The following ARID1A variants were observed in gnomAD, a reference collection of about 807,000 sequenced individuals.
The protein encoded by ARID1A is AT-rich interactive domain-containing protein 1A.
ARID1A carries 20 observed loss-of-function variants against 212.6 expected under a neutral mutation model. The observed-to-expected ratio is 0.09, with a 90% confidence interval of 0.07 to 0.14. The LOEUF is 0.14. Ranked by LOEUF, ARID1A falls within the 10% of genes least tolerant of loss-of-function variation. The probability of loss-of-function intolerance (pLI) is 1.00; values close to 1 mark genes in which losing one functional copy is unlikely to be tolerated. For synonymous variants in ARID1A, 1,376 were observed against 1,222.1 expected, an observed-to-expected ratio of 1.13 and a Z score of -2.63; for missense variants, 2,587 against 3,059.0, an observed-to-expected ratio of 0.85 and a Z score of 3.64.
intron 19 of ARID1A, chr1:26,778,798 C>T: frequency 2.4e-6 from 1 of 416,442 alleles, no homozygotes; most frequent in East Asian, 3.5e-5. Flanking sequence ...GCTAGTGTTC[C>T]TGGAGATAGG....
At chr1:26,773,987 G>A in intron 17 of ARID1A, 89 bp downstream of exon 17, 1 of 1,487,854 alleles carries the variant, frequency 6.7e-7, no homozygotes, top group Non-Finnish European at 9.3e-7. Flanking sequence ...AGTCTAAGAA[G>A]CTCACTTTAG....
At chr1:26,772,434 G>C (rs940961371) in intron 12 of ARID1A, 66 bp from the exon 13 acceptor site, 4 of 1,606,914 alleles carry the variant, frequency 2.5e-6, no homozygotes, top group Non-Finnish European at 3.4e-6. Context: ...GGTCGTTCGT[G>C]TGTTTGTGTG....
At chr1:26,766,706 T>C (rs1473249259) in intron 10 of ARID1A, 140 bp downstream of exon 10, 2 of 885,170 alleles carry the variant, frequency 2.3e-6, no homozygotes, top group Admixed American at 2.9e-5. Context: ...TGCTGTTGCC[T>C]CCTCTTATCA....
intron 1 of ARID1A, among the ~76,000 whole-genome samples, chr1:26,706,595 G>T (rs1441170958): frequency 1.3e-5 from 2 of 152,220 alleles, no homozygotes; most frequent in Non-Finnish European, 2.9e-5. Context: ...CCACGTGGTA[G>T]AGGGATTAAA....
intron 4 of ARID1A, among the ~76,000 whole-genome samples, chr1:26,744,382 C>T (rs965702054): frequency 5.3e-5 from 8 of 152,176 alleles, no homozygotes; most frequent in African/African-American, 4.8e-5. Context: ...TTGTTTCCTT[C>T]GGAACAGCCT....
rs1214820075 is a variant in ARID1A at position 26,774,895 on chromosome 1, T to C, written c.4668T>C (p.Gly1556=). ...ATGGCACACGCCAGCCCCCATATGG[T>C]CCCTCTGCCCCTGTGCCCCCCATGA... ...PSHGTRQPPY[G]PSAPVPPMTR... The change falls in exon 18 of 20, where the codon GGT becomes GGC. Residue 1556 remains glycine (G), a synonymous_variant. Coordinates refer to ENST00000324856, the MANE Select transcript of ARID1A (RefSeq NM_006015.6). This position sits in a 1 kb window ranked among gnomAD's most constrained non-coding sequence, Gnocchi z 5.6. 7.2e-7 allele frequency: 1 copy of C among 1,386,832 alleles called. No homozygotes were observed. The highest frequency in any genetic ancestry group is 3.2e-5 in the East Asian group (1 of 31,220). 85.9% of individuals were successfully genotyped at this position (1,386,832 alleles called of 1,614,324 possible). A position where few individuals can be genotyped will look rare whatever the true frequency, so the allele number is the denominator to read the frequency against.
At chr1:26,710,454 C>T (rs1271013138) in intron 1 of ARID1A, among the ~76,000 whole-genome samples, 7 of 142,552 alleles carry the variant, frequency 4.9e-5, no homozygotes, top group African/African-American at 8.2e-5. Context: ...CCAGCCTGGG[C>T]GACAGAGCGA....
At chr1:26,744,229 C>T (rs757066744) in intron 4 of ARID1A, among the ~76,000 whole-genome samples, 9 of 152,236 alleles carry the variant, frequency 5.9e-5, no homozygotes, top group Non-Finnish European at 1.2e-4. Context: ...ATACTGCCTG[C>T]TGACTGCCTG....
intron 4 of ARID1A, among the ~76,000 whole-genome samples, chr1:26,746,807 C>T (rs769031508): frequency 3.3e-5 from 5 of 152,298 alleles, no homozygotes; most frequent in Admixed American, 3.3e-4. Flanking sequence ...GAGGCCAAGG[C>T]GGGCAAATCA....
intron 4 of ARID1A, among the ~76,000 whole-genome samples, chr1:26,756,283 T>C (rs1236400774): frequency 6.6e-6 from 1 of 151,178 alleles, no homozygotes; most frequent in East Asian, 2.0e-4. Flanking sequence ...GGGCCAGGCG[T>C]GGTGGCTCAT....
At chr1:26,737,876 A>G (rs923750303) in intron 4 of ARID1A, among the ~76,000 whole-genome samples, 1 of 152,154 alleles carries the variant, frequency 6.6e-6, no homozygotes, top group East Asian at 1.9e-4. Context: ...AAAAAAAAAA[A>G]AAGAAAAAAT....
rs397860721 is a variant in ARID1A, at chr1:26,708,266, C to CTTTTTTTTTTT, written c.1137+10752_1137+10762dup. On this transcript the variant is annotated intron_variant, in intron 1 of 19. Transcript: ENST00000324856. ...TCAGCCTTTAAGATACAGTCCTTCA[C>CTTTTTTTTTTT]TTTTTTTTTTTTTTTTTTTTTTTTT... is the stretch of plus-strand genomic sequence containing the variant. Among the ~76,000 whole-genome samples the CTTTTTTTTTTT allele has an allele frequency of 1.5e-3, 35 of 23,754 alleles. 14 individuals are homozygous for CTTTTTTTTTTT. Among genetic ancestry groups the CTTTTTTTTTTT allele is most frequent in the East Asian group, 5.8e-3 (2 of 344 alleles). 15.6% of individuals were successfully genotyped at this position (23,754 alleles called of 152,430 possible). A position where few individuals can be genotyped will look rare whatever the true frequency, so the allele number is the denominator to read the frequency against.
intron 1 of ARID1A, among the ~76,000 whole-genome samples, chr1:26,720,640 G>A (rs1274524844): frequency 6.6e-6 from 1 of 152,144 alleles, no homozygotes; most frequent in Non-Finnish European, 1.5e-5. Context: ...CACTTTGGGA[G>A]GCTGAAGCTG....
intron 7 of ARID1A, 145 bp downstream of exon 7, chr1:26,762,464 G>T: frequency 3.4e-6 from 3 of 875,796 alleles, no homozygotes; most frequent in South Asian, 2.4e-5. Context: ...CTGAAGTAGG[G>T]CAAGGCAAGA....
intron 1 of ARID1A, chr1:26,728,868 C>T (rs2080645362): frequency 6.6e-6 from 1 of 152,084 alleles, no homozygotes; most frequent in African/African-American, 2.4e-5. Context: ...ACCTGTTGCT[C>T]CACAAAGAGC....
intron 4 of ARID1A, among the ~76,000 whole-genome samples, chr1:26,736,396 GAGGC>G (rs1420460074): frequency 3.3e-5 from 5 of 150,952 alleles, no homozygotes; most frequent in Non-Finnish European, 7.4e-5. Context: ...TTGGGAGGCC[GAGGC>G]TGGCGGATCA....
At chr1:26,699,043 C>T (rs2080307422) in intron 1 of ARID1A, among the ~76,000 whole-genome samples, 1 of 152,088 alleles carries the variant, frequency 6.6e-6, no homozygotes, top group Admixed American at 6.6e-5. Context: ...CTCCTAAAGG[C>T]TTGGTTTGGT....
chr1:26,768,063 C>A (rs1404795922), intron 11 of ARID1A, 64 bp downstream of exon 11: 2 of 1,518,718 alleles, frequency 1.3e-6, no homozygotes, highest in Non-Finnish European at 1.8e-6. Flanking sequence ...TAGGTACTCA[C>A]TGGCTTCATG....
At position 26,772,899 on chromosome 1, in the gene ARID1A, T is replaced by C. The variant is rs749523343; in HGVS notation, c.3627T>C (p.Pro1209=). ...AGCGGAATTCCATGACTCCAAACCCTGGGTATCAGCCCAGTATGAATACCT... is the reference window on the plus strand; with the variant it reads ...AGCGGAATTCCATGACTCCAAACCCCGGGTATCAGCCCAGTATGAATACCT... ...FQKRNSMTPN[P]GYQPSMNTSD... Residue 1209 remains proline (P), a synonymous_variant, in exon 14 of 20, where the codon CCT becomes CCC. Transcript: ENST00000324856. The C allele has an allele frequency of 6.2e-7, 1 of 1,614,136 alleles. No homozygotes were observed. The highest frequency in any genetic ancestry group is 8.5e-7 in the Non-Finnish European group (1 of 1,180,020).
Sources: allele counts gnomAD v4.1 joint callset (sites outside exome capture counted in the v4.1 genomes callset), GRCh38; gene constraint gnomAD v4.1.1; non-coding constraint Gnocchi (gnomAD v3.1); transcripts MANE v1.5; gene names NCBI Gene and HGNC (gene_info 2026-07-23, HGNC 2026-07-21).